Variants in SETD5 observed in about 807,000 individuals in gnomAD.
SETD5 encodes the protein SET domain containing 5, also known as histone-lysine N-methyltransferase SETD5.
SETD5 carries 44 observed loss-of-function variants against 153.3 expected under a neutral mutation model. That is an observed-to-expected ratio of 0.29 (90% CI 0.23 to 0.37). The LOEUF (loss-of-function observed/expected upper bound fraction) is 0.37. Among genes scored for constraint, SETD5 ranks in the 10% least tolerant of loss-of-function variants. The pLI, the probability that SETD5 is intolerant of heterozygous loss-of-function variation, is 1.00. For synonymous variants in SETD5, 716 were observed against 645.2 expected (o/e 1.11, Z -1.66); for missense variants, 1,544 against 1,768.0 (o/e 0.87, Z 2.27).
At chr3:9,465,148 A>G (rs965992423) in intron 18 of SETD5, among the ~76,000 whole-genome samples, 4 of 152,202 alleles carry the variant, frequency 2.6e-5, no homozygotes, top group Admixed American at 1.3e-4. Context: ...GCAGAGATTT[A>G]GAAAACATTG....
intron 21 of SETD5, 114 bp downstream of exon 21, chr3:9,474,696 C>T: frequency 7.1e-7 from 1 of 1,414,006 alleles, no homozygotes; most frequent in Non-Finnish European, 9.6e-7. Flanking sequence ...AGTTGGGCTC[C>T]ACCGCATGCT....
intron 8 of SETD5, among the ~76,000 whole-genome samples, 154 bp downstream of exon 8, chr3:9,440,852 T>G (rs2125174188): frequency 6.6e-6 from 1 of 152,242 alleles, no homozygotes; most frequent in Admixed American, 6.5e-5. Flanking sequence ...AAAAGTAGGT[T>G]ATATTAACTG....
In SETD5 at chr3:9,402,919, G is replaced by T. The variant is rs549184113; in HGVS notation, c.-177+4942G>T. ...GGATTTGGTCTAAGTAGAAAAGGAAGATTTTTGTTTCAAATTGCCAGCTGC... is the reference window on the plus strand; with the variant it reads ...GGATTTGGTCTAAGTAGAAAAGGAATATTTTTGTTTCAAATTGCCAGCTGC... On this transcript the variant is annotated intron_variant, in intron 1 of 22. Coordinates refer to ENST00000402198, the MANE Select transcript of SETD5 (RefSeq NM_001080517.3). Among the ~76,000 whole-genome samples, 5 of 152,292 alleles carry T rather than the reference G, an allele frequency of 3.3e-5. No homozygotes were observed. The South Asian group carries it at 1.0e-3, about 32-fold the overall frequency.
At chr3:9,464,721 T>G in intron 18 of SETD5, 49 bp downstream of exon 18, 1 of 1,612,968 alleles carries the variant, frequency 6.2e-7, no homozygotes, top group African/African-American at 1.3e-5. Context: ...AATCATCATT[T>G]GTACCTTCTC....
At chr3:9,437,658 G>C (rs1167483816) in intron 7 of SETD5, among the ~76,000 whole-genome samples, 1 of 151,950 alleles carries the variant, frequency 6.6e-6, no homozygotes, top group Non-Finnish European at 1.5e-5. Flanking sequence ...ATTCCTAAAT[G>C]ATACAAAAGC....
chr3:9,436,990 G>T, intron 7 of SETD5: 2 of 1,047,126 alleles, frequency 1.9e-6, no homozygotes, highest in Non-Finnish European at 2.8e-6. Context: ...CTTGGACTCT[G>T]CTTTTCATTA....
chr3:9,455,753 T>G (rs1425470694), intron 17 of SETD5, among the ~76,000 whole-genome samples: 1 of 152,180 alleles, frequency 6.6e-6, no homozygotes, highest in Non-Finnish European at 1.5e-5. Flanking sequence ...TAGTTAAGGT[T>G]GGGAACAGGA....
intron 13 of SETD5, among the ~76,000 whole-genome samples, chr3:9,445,988 T>TTTTA (rs1260243657): frequency 6.2e-5 from 9 of 145,680 alleles, no homozygotes; most frequent in Admixed American, 1.4e-4. Flanking sequence ...TTTTTTTTTT[T>TTTTA]ACTAACAATC....
chr3:9,456,981 A>C (rs2043330388), intron 17 of SETD5, among the ~76,000 whole-genome samples: 1 of 151,040 alleles, frequency 6.6e-6, no homozygotes, highest in Admixed American at 6.6e-5. Context: ...TCTCAAAAAG[A>C]AAGAAAGAAA....
chr3:9,457,414 G>C (rs544771150), intron 17 of SETD5, among the ~76,000 whole-genome samples: 1 of 152,210 alleles, frequency 6.6e-6, no homozygotes, highest in East Asian at 1.9e-4. Context: ...ATGAACCCAG[G>C]AGGCGGAGGT....
chr3:9,414,206 A>G (rs1294058375), intron 1 of SETD5, among the ~76,000 whole-genome samples: 3 of 152,224 alleles, frequency 2.0e-5, no homozygotes, highest in African/African-American at 7.2e-5. Context: ...TATGCCTAGG[A>G]TGTTTTTGAA....
intron 2 of SETD5, among the ~76,000 whole-genome samples, 157 bp downstream of exon 2, chr3:9,424,683 C>T (rs1161485884): frequency 6.6e-6 from 1 of 152,156 alleles, no homozygotes; most frequent in East Asian, 1.9e-4. Context: ...ATTGAAACTA[C>T]AGCAGTGGAT....
At chr3:9,440,907 A>G (rs752426584) in intron 8 of SETD5, among the ~76,000 whole-genome samples, 13 of 152,210 alleles carry the variant, frequency 8.5e-5, no homozygotes, top group Non-Finnish European at 1.5e-5. Context: ...TATTAATAAA[A>G]AAATAGATGA....
rs564603707 is a variant in SETD5 at position 9,476,010 on chromosome 3, C to T, written c.4248C>T (p.His1416=). ...TTTCCAATTCACAGCACTACCCACA[C>T]CGTGGGAGTGGGGGTGTGCACCAGT... ...SAVSNSQHYP[H]RGSGGVHQYR... The change falls in exon 23 of 23, where the codon CAC becomes CAT. Residue 1416 remains histidine (H), a synonymous_variant. Transcript: ENST00000402198. The T allele has an allele frequency of 1.2e-6, 2 of 1,614,022 alleles. No homozygotes were observed. The highest frequency in any genetic ancestry group is 2.2e-5 in the South Asian group (2 of 91,088).
At chr3:9,417,835 A>T (rs1221102412) in intron 1 of SETD5, among the ~76,000 whole-genome samples, 1 of 147,236 alleles carries the variant, frequency 6.8e-6, no homozygotes, top group Admixed American at 6.8e-5. Context: ...TTCCCCACAT[A>T]TTCTAAAATA....
chr3:9,436,654 T>G (rs1231989065), intron 7 of SETD5, among the ~76,000 whole-genome samples: 2 of 152,236 alleles, frequency 1.3e-5, no homozygotes, highest in African/African-American at 4.8e-5. Flanking sequence ...GTATTAAAAT[T>G]AGTCTCAGAG....
Position 9,434,861 on chromosome 3 carries a change from C to T in SETD5, c.367C>T (p.Arg123Trp), listed in dbSNP as rs757568417. 20 of 1,613,258 alleles carry T rather than the reference C, an allele frequency of 1.2e-5. No homozygotes were observed. Among genetic ancestry groups the T allele is most frequent in the East Asian group, 6.7e-5 (3 of 44,872 alleles). Residue 123 changes from arginine to tryptophan, a missense_variant, in exon 6 of 23, where the codon CGG becomes TGG. Transcript: ENST00000402198. This position sits in a 1 kb window ranked among gnomAD's most constrained non-coding sequence, Gnocchi z 5.6. ...SRGKVIRLHR[R>W]KQDNISGGDS... ...GGGGAAGGTTATTAGACTTCATCGG[C>T]GGAAGCAGGACAACATATCAGGTGA...
chr3:9,419,254 A>T (rs909481556), intron 1 of SETD5, among the ~76,000 whole-genome samples: 13 of 152,242 alleles, frequency 8.5e-5, no homozygotes, highest in African/African-American at 3.1e-4. Flanking sequence ...TTAAAATAGC[A>T]CTTAACATAG....
At chr3:9,433,797 G>A (rs754514363) in intron 3 of SETD5, 48 bp from the exon 4 acceptor site, 16 of 1,564,216 alleles carry the variant, frequency 1.0e-5, no homozygotes, top group Middle Eastern at 3.3e-4. Context: ...TAGTTTAAGG[G>A]AAGATTAGGT....
Sources: gnomAD v4.1 joint callset for allele counts (sites outside exome capture counted in the v4.1 genomes callset) on GRCh38, gnomAD v4.1.1 for gene constraint, Gnocchi (gnomAD v3.1) non-coding constraint, MANE v1.5 for transcripts, NCBI Gene and HGNC (gene_info 2026-07-23, HGNC 2026-07-21) for gene names.